The following EXT1 variants were observed in gnomAD, a reference collection of about 807,000 sequenced individuals.
The protein encoded by EXT1 is exostosin glycosyltransferase 1, also known as exostosin-1.
In EXT1, 20 loss-of-function variants were observed where a neutral mutation model predicts 82.5. The observed-to-expected ratio is 0.24, with a 90% CI of 0.17 to 0.35. The LOEUF (loss-of-function observed/expected upper bound fraction) is 0.35, where lower values mean the gene tolerates loss of function less well. EXT1 is among the 10% of genes least tolerant of loss of function. The pLI, the probability that EXT1 is intolerant of heterozygous loss-of-function variation, is 1.00. For synonymous variants in EXT1, 348 were observed against 350.8 expected (o/e 0.99, Z 0.09); for missense variants, 757 against 936.5 (o/e 0.81, Z 2.50).
chr8:117,881,237 G>A (rs1428858082), intron 1 of EXT1, among the ~76,000 whole-genome samples: 3 of 152,124 alleles, frequency 2.0e-5, no homozygotes, highest in African/African-American at 7.2e-5. Flanking sequence ...AAGAAAAAAT[G>A]TCACCGTTTA....
At chr8:118,109,828 C>T (rs940100287) in intron 1 of EXT1, among the ~76,000 whole-genome samples, 1 of 152,240 alleles carries the variant, frequency 6.6e-6, no homozygotes, top group East Asian at 1.9e-4. Flanking sequence ...CTGCAGGTTT[C>T]CTAAGCAAGA....
At position 117,927,468 on chromosome 8, in the gene EXT1, T is replaced by C. The variant is rs146895630; in HGVS notation, c.963-90267A>G. 3.6e-4 allele frequency among the ~76,000 whole-genome samples: 54 copies of C among 151,398 alleles called. No homozygotes were observed. The East Asian group carries it at 9.3e-3, about 26-fold the overall frequency. ...TGTGATAAATGACTATTACATTCAC[T>C]GCATTTAACAAACACATCATGTCAG... On this transcript the variant is annotated intron_variant, in intron 1 of 10. Transcript: ENST00000378204.
chr8:117,866,456 C>T (rs997916468), intron 1 of EXT1, among the ~76,000 whole-genome samples: 26 of 152,000 alleles, frequency 1.7e-4, no homozygotes, highest in African/African-American at 5.6e-4. Flanking sequence ...CCCAGCCAGC[C>T]GACTGAACAG....
In EXT1 at chr8:118,051,904, C is replaced by T. The variant is rs1394621473; in HGVS notation, c.962+58181G>A. On this transcript the variant is annotated intron_variant, in intron 1 of 10. Coordinates refer to ENST00000378204, the MANE Select transcript of EXT1 (RefSeq NM_000127.3). The stretch of plus-strand genomic sequence containing the variant: ...AGCATAACCTCATTTTGAAGTCAGG[C>T]GTGGCCTTGCTATTGGCCTTTGAAA... Among the ~76,000 whole-genome samples the T allele has an allele frequency of 5.9e-5, 9 of 152,298 alleles. 2 individuals are homozygous for T. The highest frequency in any genetic ancestry group is 5.9e-4 in the Admixed American group (9 of 15,294).
At chr8:118,088,993 T>C (rs567474286) in intron 1 of EXT1, among the ~76,000 whole-genome samples, 97 of 152,332 alleles carry the variant, frequency 6.4e-4, no homozygotes, top group Non-Finnish European at 1.3e-3. Context: ...GTAGTCTTGA[T>C]TCAAGGAGAA....
chr8:117,878,012 C>T (rs997591952), intron 1 of EXT1, among the ~76,000 whole-genome samples: 10 of 152,192 alleles, frequency 6.6e-5, no homozygotes, highest in African/African-American at 1.7e-4. Context: ...GTGGCTCACA[C>T]GTATAATCCC....
In EXT1 at chr8:117,829,815, C is replaced by A. The variant is rs148303485; in HGVS notation, c.1284+415G>T. Reference sequence around the variant, plus strand: ...TGAACTCCTGAACTCAGGTGATGCACCTGCCTCAGCTTCTCAAAGTGCTGA... The same window carrying A: ...TGAACTCCTGAACTCAGGTGATGCAACTGCCTCAGCTTCTCAAAGTGCTGA... On this transcript the variant is annotated intron_variant, in intron 4 of 10. Transcript: ENST00000378204. 9.4e-3 allele frequency among the ~76,000 whole-genome samples: 1,437 copies of A among 152,104 alleles called. 17 individuals are homozygous for A. The highest frequency in any genetic ancestry group is 0.032 in the African/African-American group (1,322 of 41,490).
chr8:117,898,717 A>G (rs1813388827), intron 1 of EXT1, among the ~76,000 whole-genome samples: 1 of 152,198 alleles, frequency 6.6e-6, no homozygotes. Flanking sequence ...AAAAAAAAAC[A>G]GAAACTCAGG....
At chr8:118,058,806 C>A (rs894265506) in intron 1 of EXT1, among the ~76,000 whole-genome samples, 22 of 152,158 alleles carry the variant, frequency 1.4e-4, no homozygotes, top group African/African-American at 5.1e-4. Context: ...ATATACATAA[C>A]TGATTAACGA....
At chr8:117,917,831 T>A (rs752667564) in intron 1 of EXT1, among the ~76,000 whole-genome samples, 2 of 152,196 alleles carry the variant, frequency 1.3e-5, no homozygotes, top group Non-Finnish European at 2.9e-5. Context: ...ATTCCTTTTC[T>A]GCTTGTCACT....
At chr8:117,980,708 T>TTG (rs1563619819) in intron 1 of EXT1, among the ~76,000 whole-genome samples, 4 of 15,330 alleles carry the variant, frequency 2.6e-4, no homozygotes, top group Non-Finnish European at 4.5e-4. Context: ...GTTTTTTTTT[T>TTG]TTTTTTTTTT....
At chr8:118,001,313 T>C (rs1815659723) in intron 1 of EXT1, among the ~76,000 whole-genome samples, 2 of 152,110 alleles carry the variant, frequency 1.3e-5, no homozygotes, top group African/African-American at 4.8e-5. Flanking sequence ...CAGCCTCTCA[T>C]GCAGCTGGTT....
intron 1 of EXT1, among the ~76,000 whole-genome samples, chr8:117,867,889 C>T (rs187922651): frequency 3.9e-5 from 6 of 152,166 alleles, no homozygotes; most frequent in South Asian, 2.1e-4. Flanking sequence ...ATTCAACCCC[C>T]GGTTCTAGAA....
chr8:118,092,329 G>T (rs1817537739), intron 1 of EXT1, among the ~76,000 whole-genome samples: 1 of 152,054 alleles, frequency 6.6e-6, no homozygotes, highest in African/African-American at 2.4e-5. Context: ...TAAAGAGGAG[G>T]CTACAAAAAG....
chr8:118,100,889 C>T (rs1236828167), intron 1 of EXT1, among the ~76,000 whole-genome samples: 2 of 152,158 alleles, frequency 1.3e-5, no homozygotes, highest in African/African-American at 4.8e-5. Context: ...CTACCCCACA[C>T]ACATGCAAGC....
intron 1 of EXT1, among the ~76,000 whole-genome samples, chr8:117,985,166 A>G (rs1165374450): frequency 2.0e-5 from 3 of 152,232 alleles, no homozygotes; most frequent in Non-Finnish European, 4.4e-5. Context: ...AAAAGAGCCC[A>G]TACATACCAA....
At chr8:117,808,322 C>T (rs1823266559) in intron 8 of EXT1, among the ~76,000 whole-genome samples, 1 of 152,198 alleles carries the variant, frequency 6.6e-6, no homozygotes, top group Non-Finnish European at 1.5e-5. Context: ...TCCATTTTAA[C>T]TCATTCCATC....
At chr8:117,915,415 C>T (rs1470993331) in intron 1 of EXT1, among the ~76,000 whole-genome samples, 1 of 151,614 alleles carries the variant, frequency 6.6e-6, no homozygotes, top group African/African-American at 2.4e-5. Context: ...CTTCTAAAAT[C>T]CTGCCTAATA....
rs1260075051 is a variant in EXT1 at position 117,797,386 on chromosome 8, G to T, written c.*2326C>A. 1 of 152,192 alleles carries T rather than the reference G, an allele frequency of 6.6e-6. No homozygotes were observed. Among genetic ancestry groups the T allele is most frequent in the African/African-American group, 2.4e-5 (1 of 41,434 alleles). 9.4% of individuals were successfully genotyped at this position (152,192 alleles called of 1,614,324 possible). Reference sequence around the variant, plus strand: ...TACCATTTTTCTTCACATAACACATGTTGTTTGTGGAGGATATGTGTTGTG... The same window carrying T: ...TACCATTTTTCTTCACATAACACATTTTGTTTGTGGAGGATATGTGTTGTG... On this transcript the variant is annotated 3_prime_UTR_variant, in exon 11 of 11. Coordinates refer to ENST00000378204, the MANE Select transcript of EXT1 (RefSeq NM_000127.3).
Sources: gnomAD v4.1 joint callset for allele counts (sites outside exome capture counted in the v4.1 genomes callset) on GRCh38, gnomAD v4.1.1 for gene constraint, MANE v1.5 for transcripts, NCBI Gene and HGNC (gene_info 2026-07-23, HGNC 2026-07-21) for gene names.